Variants in PRTFDC1 observed in about 807,000 individuals in gnomAD.
PRTFDC1 encodes phosphoribosyltransferase domain-containing protein 1.
A neutral mutation model predicts 34.6 loss-of-function variants in PRTFDC1; 38 were observed. The observed-to-expected ratio is 1.10, with a 90% CI of 0.85 to 1.44. PRTFDC1 has a LOEUF of 1.44. Ranked by LOEUF, PRTFDC1 falls within the 40% of genes most tolerant of loss-of-function variation. The pLI is 0.00. For missense variants in PRTFDC1, 270 were observed against 283.0 expected (o/e 0.95, Z 0.33); for synonymous variants, 93 against 98.1 (o/e 0.95, Z 0.31).
At chr10:24,889,184 A>G (rs763911132) in intron 3 of PRTFDC1, among the ~76,000 whole-genome samples, 2 of 152,092 alleles carry the variant, frequency 1.3e-5, no homozygotes, top group African/African-American at 2.4e-5. Context: ...TGCCCCTTCC[A>G]CCAAGTGAGG....
At chr10:24,931,367 A>G (rs1315394149) in intron 3 of PRTFDC1, among the ~76,000 whole-genome samples, 1 of 152,064 alleles carries the variant, frequency 6.6e-6, no homozygotes, top group East Asian at 1.9e-4. Flanking sequence ...AAACAGAAGG[A>G]AGGAAATAAC....
chr10:24,888,432 T>C (rs757161654), intron 3 of PRTFDC1, among the ~76,000 whole-genome samples: 4 of 152,254 alleles, frequency 2.6e-5, no homozygotes, highest in Admixed American at 6.5e-5. Flanking sequence ...CTTTACCCAA[T>C]AGGCCCTTGA....
At position 24,952,451 on chromosome 10, in the gene PRTFDC1, A is replaced by C; in HGVS notation, c.48+77T>G. The C allele has an allele frequency of 6.8e-6, 10 of 1,473,970 alleles. No homozygotes were observed. Among genetic ancestry groups the C allele is most frequent in the South Asian group, 1.2e-5 (1 of 81,770 alleles). The allele number at this position is 1,473,970 out of a possible 1,614,324, so 91.3% of individuals were successfully genotyped here. On this transcript the variant is annotated intron_variant, in intron 1 of 8. Coordinates refer to ENST00000320152, the MANE Select transcript of PRTFDC1 (RefSeq NM_020200.7). The surrounding 1 kb of genome is among the most constrained non-coding windows in gnomAD (Gnocchi z 5.1). ...CCCTCTCTCTCCCCCGACGCACGGC[A>C]AGCATTTAATCTACAAGCAGGGTGC...
intron 4 of PRTFDC1, among the ~76,000 whole-genome samples, chr10:24,860,071 T>C (rs1847651357): frequency 6.6e-6 from 1 of 152,212 alleles, no homozygotes; most frequent in South Asian, 2.1e-4. Context: ...TTTATCTCTA[T>C]GATTTATACA....
At chr10:24,899,783 G>A (rs1299518721) in intron 3 of PRTFDC1, among the ~76,000 whole-genome samples, 3 of 152,186 alleles carry the variant, frequency 2.0e-5, no homozygotes, top group Non-Finnish European at 4.4e-5. Flanking sequence ...TTTTAAACAT[G>A]TTCCCACAAC....
At chr10:24,852,424 A>C (rs1019140189) in intron 7 of PRTFDC1, among the ~76,000 whole-genome samples, 1 of 152,156 alleles carries the variant, frequency 6.6e-6, no homozygotes, top group Non-Finnish European at 1.5e-5. Context: ...AAGTGCTGGG[A>C]TTACAGGCAT....
chr10:24,874,900 T>C (rs1378129470), intron 3 of PRTFDC1, among the ~76,000 whole-genome samples: 1 of 152,228 alleles, frequency 6.6e-6, no homozygotes. Context: ...CATGCTGTTC[T>C]CATGATGATG....
intron 4 of PRTFDC1, among the ~76,000 whole-genome samples, chr10:24,862,272 G>T (rs1847691742): frequency 6.6e-6 from 1 of 152,066 alleles, no homozygotes; most frequent in Non-Finnish European, 1.5e-5. Context: ...TCCTTAAAAT[G>T]GCCTTTGTAG....
intron 3 of PRTFDC1, among the ~76,000 whole-genome samples, chr10:24,878,064 T>C (rs1847997415): frequency 6.6e-6 from 1 of 151,834 alleles, no homozygotes; most frequent in Admixed American, 6.6e-5. Flanking sequence ...GTGGATTACT[T>C]GAGGTTAAGA....
At chr10:24,884,257 T>C (rs1372463955) in intron 3 of PRTFDC1, among the ~76,000 whole-genome samples, 1 of 152,128 alleles carries the variant, frequency 6.6e-6, no homozygotes, top group Non-Finnish European at 1.5e-5. Context: ...CTCATGAAAC[T>C]GTTTTAAGAT....
chr10:24,878,891 T>A (rs1213505537), intron 3 of PRTFDC1, among the ~76,000 whole-genome samples: 1 of 152,212 alleles, frequency 6.6e-6, no homozygotes, highest in Non-Finnish European at 1.5e-5. Flanking sequence ...GCTGTCTCAA[T>A]ATTCTCCGCC....
intron 3 of PRTFDC1, among the ~76,000 whole-genome samples, chr10:24,905,940 C>A (rs1477969185): frequency 6.6e-6 from 1 of 152,176 alleles, no homozygotes; most frequent in Non-Finnish European, 1.5e-5. Context: ...CTTCTACTCT[C>A]TATCTCCATG....
intron 3 of PRTFDC1, among the ~76,000 whole-genome samples, chr10:24,892,198 G>A (rs1179747933): frequency 6.6e-6 from 1 of 152,092 alleles, no homozygotes; most frequent in Non-Finnish European, 1.5e-5. Flanking sequence ...TGTTGCCCAG[G>A]CTGATCTTGA....
intron 4 of PRTFDC1, among the ~76,000 whole-genome samples, chr10:24,865,096 A>G (rs1847753028): frequency 6.6e-6 from 1 of 152,194 alleles, no homozygotes; most frequent in African/African-American, 2.4e-5. Context: ...AGCCTGGGTG[A>G]CAGAGTGAGA....
intron 4 of PRTFDC1, among the ~76,000 whole-genome samples, chr10:24,860,017 C>G (rs1317553525): frequency 6.6e-6 from 1 of 152,192 alleles, no homozygotes; most frequent in Non-Finnish European, 1.5e-5. Flanking sequence ...GTGAGACTAT[C>G]CTTTCAACGT....
At chr10:24,904,762 A>G (rs1056916563) in intron 3 of PRTFDC1, among the ~76,000 whole-genome samples, 1 of 152,268 alleles carries the variant, frequency 6.6e-6, no homozygotes. Flanking sequence ...GATCCTGTCC[A>G]TGTGCCCCTC....
At chr10:24,875,301 C>T (rs1406003549) in intron 3 of PRTFDC1, among the ~76,000 whole-genome samples, 1 of 152,116 alleles carries the variant, frequency 6.6e-6, no homozygotes, top group Non-Finnish European at 1.5e-5. Flanking sequence ...TTGAAATATA[C>T]ATTATTATTA....
chr10:24,951,717 G>T (rs1478416973), intron 1 of PRTFDC1: 1 of 595,586 alleles, frequency 1.7e-6, no homozygotes, highest in Admixed American at 6.3e-5. Flanking sequence ...CCACTTCTCA[G>T]GGAGCAGGGA....
At chr10:24,871,940 G>T in intron 4 of PRTFDC1, 58 bp downstream of exon 4, 1 of 1,415,474 alleles carries the variant, frequency 7.1e-7, no homozygotes, top group Non-Finnish European at 9.9e-7. Context: ...GACCTGAAAT[G>T]CAGGTCACCG....
Sources: gnomAD v4.1 joint callset for allele counts (sites outside exome capture counted in the v4.1 genomes callset) on GRCh38, gnomAD v4.1.1 for gene constraint, Gnocchi (gnomAD v3.1) non-coding constraint, MANE v1.5 for transcripts, NCBI Gene and HGNC (gene_info 2026-07-23, HGNC 2026-07-21) for gene names.